The following SP100 variants were observed in gnomAD, a reference collection of about 807,000 sequenced individuals.
SP100 encodes the protein nuclear autoantigen Sp-100.
SP100 carries 84 observed loss-of-function variants against 130.0 expected under a neutral mutation model. That is an observed-to-expected ratio of 0.65 (90% CI 0.54 to 0.77). The LOEUF is 0.77. SP100 is among the 30% of genes least tolerant of loss of function. SP100 has a pLI of 0.00. For synonymous variants in SP100, 331 were observed against 351.7 expected, an observed-to-expected ratio of 0.94 and a Z score of 0.66; for missense variants, 978 against 1,052.2, an observed-to-expected ratio of 0.93 and a Z score of 0.97.
chr2:230,532,809 C>A (rs1691762988), intron 24 of SP100, among the ~76,000 whole-genome samples: 1 of 152,118 alleles, frequency 6.6e-6, no homozygotes, highest in Non-Finnish European at 1.5e-5. Context: ...GAGACGTAGT[C>A]TCGCTCTTTC....
chr2:230,447,585 TG>T (rs2063764853), intron 5 of SP100, among the ~76,000 whole-genome samples: 1 of 152,138 alleles, frequency 6.6e-6, no homozygotes, highest in African/African-American at 2.4e-5. Context: ...CTCATGGAAA[TG>T]TTGACTTATA....
intron 24 of SP100, among the ~76,000 whole-genome samples, chr2:230,512,608 G>A (rs1559529414): frequency 6.6e-6 from 1 of 152,076 alleles, no homozygotes; most frequent in Non-Finnish European, 1.5e-5. Flanking sequence ...TGCTCTTATA[G>A]CAGAGGTCCC....
rs1692167587 is a variant in SP100, at chr2:230,541,305, G to A, written c.2336G>A (p.Cys779Tyr). The change falls in exon 27 of 29, where the codon TGT becomes TAT. Residue 779 changes from cysteine (C) to tyrosine (Y), a missense_variant. Coordinates refer to ENST00000340126, the MANE Select transcript of SP100 (RefSeq NM_001080391.2). The stretch of plus-strand genomic sequence containing the variant: ...AATGGCCTCCATCTTTTGCAGAAAT[G>A]TGAATTCCTCCTCTTGAAGGTCTAC... ...RQMLPEEQLK[C>Y]EFLLLKVYCD... The A allele has an allele frequency of 1.2e-6, 2 of 1,613,580 alleles. No individual in the cohort carries two copies. The highest frequency in any genetic ancestry group is 2.2e-5 in the East Asian group (1 of 44,882).
chr2:230,468,832 A>AAT (rs2149988580), intron 13 of SP100: 1 of 325,806 alleles, frequency 3.1e-6, no homozygotes, highest in African/African-American at 2.2e-5. Flanking sequence ...AAAAAAAAAA[A>AAT]AAAAAAAAAG....
intron 4 of SP100, among the ~76,000 whole-genome samples, chr2:230,445,831 G>A (rs116363584): frequency 3.3e-5 from 5 of 152,056 alleles, no homozygotes; most frequent in South Asian, 4.2e-4. Flanking sequence ...CACAACTCAC[G>A]TCTTAGTTTC....
At chr2:230,491,039 G>T (rs1442043796) in intron 17 of SP100, among the ~76,000 whole-genome samples, 1 of 152,190 alleles carries the variant, frequency 6.6e-6, no homozygotes, top group African/African-American at 2.4e-5. Context: ...GGTTGGGGAA[G>T]TTCTCCTGGA....
Position 230,467,118 on chromosome 2 carries a change from A to T in SP100, c.1196-2A>T. The T allele has an allele frequency of 6.2e-7, 1 of 1,608,870 alleles. No individual in the cohort carries two copies. The highest frequency in any genetic ancestry group is 1.1e-5 in the South Asian group (1 of 90,972). On this transcript the variant is annotated splice_acceptor_variant, in intron 12 of 28. Transcript: ENST00000340126. LOFTEE classifies it high-confidence loss of function. The stretch of plus-strand genomic sequence containing the variant: ...CCAAAGGACATTTGCTCCTTTCTGC[A>T]GTGATAGGACAAGACCACGACTTTT...
intron 10 of SP100, 161 bp downstream of exon 10, chr2:230,462,679 C>A (rs2064721545): frequency 1.6e-6 from 1 of 616,568 alleles, no homozygotes; most frequent in East Asian, 2.8e-5. Context: ...TTGGAAAATG[C>A]AGGGAGACAA....
rs139066370 is a variant in SP100, at chr2:230,458,620, C to T, written c.821-2642C>T. ...TACTTTTCAGAAGTTATCATGAAAA[C>T]GTAGAAATTATGCATGATGCTGCTT... On this transcript the variant is annotated intron_variant, in intron 8 of 28. Coordinates refer to ENST00000340126, the MANE Select transcript of SP100 (RefSeq NM_001080391.2). 2.9e-3 allele frequency among the ~76,000 whole-genome samples: 436 copies of T among 152,124 alleles called. 2 individuals are homozygous for T. The highest frequency in any genetic ancestry group is 0.01 in the African/African-American group (419 of 41,490).
chr2:230,446,706 C>T, intron 4 of SP100, 113 bp from the exon 5 acceptor site: 3 of 635,268 alleles, frequency 4.7e-6, no homozygotes. Flanking sequence ...TCATGTGGAA[C>T]CCTCTGAGCT....
At chr2:230,471,618 C>T (rs1191160251) in intron 15 of SP100, among the ~76,000 whole-genome samples, 2 of 152,002 alleles carry the variant, frequency 1.3e-5, no homozygotes, top group East Asian at 3.9e-4. Flanking sequence ...ACCTCTCCCC[C>T]AAAACATATG....
At chr2:230,457,913 T>A (rs1008933125) in intron 8 of SP100, among the ~76,000 whole-genome samples, 3 of 152,194 alleles carry the variant, frequency 2.0e-5, no homozygotes, top group Non-Finnish European at 4.4e-5. Context: ...CTGCCTACAC[T>A]CATCCAAGAC....
intron 11 of SP100, among the ~76,000 whole-genome samples, chr2:230,465,510 T>G (rs1257797568): frequency 6.6e-6 from 1 of 152,244 alleles, no homozygotes; most frequent in Non-Finnish European, 1.5e-5. Context: ...AAATACCATA[T>G]GTTCTCACTT....
At chr2:230,482,147 A>C (rs1273468630) in intron 17 of SP100, among the ~76,000 whole-genome samples, 1 of 152,120 alleles carries the variant, frequency 6.6e-6, no homozygotes, top group Non-Finnish European at 1.5e-5. Flanking sequence ...TCCTTGTGTA[A>C]TTGGTCTGTT....
At chr2:230,506,605 G>A (rs1311638334) in intron 22 of SP100, 160 bp downstream of exon 22, 95 of 651,696 alleles carry the variant, frequency 1.5e-4, no homozygotes, top group South Asian at 5.3e-4. Flanking sequence ...TGAACATTAC[G>A]TTGGCTGGCT....
chr2:230,504,143 T>C (rs2067191882), intron 20 of SP100, 43 bp from the exon 21 acceptor site: 1 of 1,097,396 alleles, frequency 9.1e-7, no homozygotes, highest in Non-Finnish European at 1.4e-6. Context: ...CAATGCACAG[T>C]TGTAAAAGTA....
chr2:230,498,537 T>TAAAAA lies in SP100; in HGVS notation c.1720+11_1720+15dup. ...AAAAGAAAAGATGGCAACAAAGAGG[T>TAAAAA]AAAAAAAAAAAAATACATTTTAAAT... On this transcript the variant is annotated splice_region_variant and intron_variant, in intron 19 of 28. Coordinates refer to ENST00000340126, the MANE Select transcript of SP100 (RefSeq NM_001080391.2). 9.0e-7 allele frequency: 1 copy of TAAAAA among 1,112,478 alleles called. No individual in the cohort carries two copies. Among genetic ancestry groups the TAAAAA allele is most frequent in the Non-Finnish European group, 1.2e-6 (1 of 816,546 alleles). The allele number at this position is 1,112,478 out of a possible 1,614,324, so 68.9% of individuals were successfully genotyped here. A position where few individuals can be genotyped will look rare whatever the true frequency, so the allele number is the denominator to read the frequency against.
chr2:230,453,464 A>T (rs1030884003), intron 8 of SP100, among the ~76,000 whole-genome samples: 1 of 152,154 alleles, frequency 6.6e-6, no homozygotes, highest in Non-Finnish European at 1.5e-5. Context: ...ATGTATGGCC[A>T]CTATTGTCCT....
intron 8 of SP100, among the ~76,000 whole-genome samples, chr2:230,460,537 A>G (rs2064534393): frequency 6.6e-6 from 1 of 150,784 alleles, no homozygotes; most frequent in Non-Finnish European, 1.5e-5. Context: ...AAGTTAGTGG[A>G]AACAGTTAAT....
Sources: allele counts gnomAD v4.1 joint callset (sites outside exome capture counted in the v4.1 genomes callset), GRCh38; gene constraint gnomAD v4.1.1; transcripts MANE v1.5; gene names NCBI Gene and HGNC (gene_info 2026-07-23, HGNC 2026-07-21).